The following MINDY4 variants were observed in gnomAD, a reference collection of about 807,000 sequenced individuals.
MINDY4 encodes the protein probable ubiquitin carboxyl-terminal hydrolase MINDY-4.
A neutral mutation model predicts 87.0 loss-of-function variants in MINDY4; 68 were observed. That is an observed-to-expected ratio of 0.78 (90% CI 0.64 to 0.96). MINDY4 has a LOEUF of 0.96. Ranked by LOEUF, MINDY4 falls within the 40% of genes least tolerant of loss-of-function variation. The pLI is 0.00. For missense variants in MINDY4, 919 were observed against 928.2 expected (o/e 0.99, Z 0.13); for synonymous variants, 379 against 363.2 (o/e 1.04, Z -0.50).
chr7:30,846,539 C>A (rs1789224288), intron 9 of MINDY4, among the ~76,000 whole-genome samples: 1 of 152,210 alleles, frequency 6.6e-6, no homozygotes, highest in African/African-American at 2.4e-5. Context: ...GAAATGCAGA[C>A]CTGTTTGTCA....
At chr7:30,827,442 C>T (rs990879615) in intron 5 of MINDY4, among the ~76,000 whole-genome samples, 1 of 152,138 alleles carries the variant, frequency 6.6e-6, no homozygotes, top group Non-Finnish European at 1.5e-5. Flanking sequence ...GGTGGGGGTG[C>T]TCTGACACAA....
At chr7:30,781,872 G>GTGAGAAGT in intron 2 of MINDY4, 105 bp from the exon 3 acceptor site, 1 of 738,014 alleles carries the variant, frequency 1.4e-6, no homozygotes, top group Non-Finnish European at 2.2e-6. Flanking sequence ...GTATGAATGA[G>GTGAGAAGT]TGAGAAGTTG....
At position 30,882,372 on chromosome 7, in the gene MINDY4, T is replaced by TCTGCCCCCCCCCCCCCCC; in HGVS notation, c.2152+12_2152+13insTGCCCCCCCCCCCCCCCC. 6.6e-7 allele frequency: 1 copy of TCTGCCCCCCCCCCCCCCC among 1,521,496 alleles called. No individual in the cohort carries two copies. The highest frequency in any genetic ancestry group is 1.2e-5 in the South Asian group (1 of 80,194). 94.2% of individuals were successfully genotyped at this position (1,521,496 alleles called of 1,614,324 possible). ...TCCGGCTGACCATTGGTGCGGGCCC[T>TCTGCCCCCCCCCCCCCCC]CACCCCCCCACCCACCCAACCCTGT... On this transcript the variant is annotated intron_variant, in intron 16 of 17. Coordinates refer to ENST00000265299, the MANE Select transcript of MINDY4 (RefSeq NM_032222.3).
chr7:30,891,943 C>T lies in MINDY4; in HGVS notation c.2226-14C>T. ...CTTGATCTCTCTTTGTCTCTCTCCT[C>T]ACTCTACGCTTAGGTGGAAGGGGGC... is the stretch of plus-strand genomic sequence containing the variant. On this transcript the variant is annotated splice_polypyrimidine_tract_variant and intron_variant, in intron 17 of 17. Coordinates refer to ENST00000265299, the MANE Select transcript of MINDY4 (RefSeq NM_032222.3). 1 of 1,614,002 alleles carries T rather than the reference C, an allele frequency of 6.2e-7. No homozygotes were observed. The highest frequency in any genetic ancestry group is 8.5e-7 in the Non-Finnish European group (1 of 1,179,862).
At chr7:30,875,731 G>A in intron 15 of MINDY4, 75 bp downstream of exon 15, 1 of 1,491,908 alleles carries the variant, frequency 6.7e-7, no homozygotes, top group African/African-American at 1.4e-5. Flanking sequence ...AGTGGGGAAG[G>A]AAAGCTGGAC....
Position 30,882,271 on chromosome 7 carries a change from C to A in MINDY4, c.2062C>A (p.Leu688Ile). The A allele has an allele frequency of 6.2e-7, 1 of 1,614,006 alleles. No individual in the cohort carries two copies. The highest frequency in any genetic ancestry group is 8.5e-7 in the Non-Finnish European group (1 of 1,179,888). ...CATCCTCTTTAGCCTGCAGCCGGGGCTCCTGCGTGACTGGAGGACTGAGAG... is the reference window on the plus strand; with the variant it reads ...CATCCTCTTTAGCCTGCAGCCGGGGATCCTGCGTGACTGGAGGACTGAGAG... Reference protein sequence around the residue: ...FSILFSLQPGLLRDWRTERLF... With the variant: ...FSILFSLQPGILRDWRTERLF... Residue 688 changes from leucine (L) to isoleucine (I), a missense_variant, in exon 16 of 18, where the codon CTC becomes ATC. Transcript: ENST00000265299.
chr7:30,863,365 G>A (rs1299520854), intron 13 of MINDY4, among the ~76,000 whole-genome samples: 3 of 152,224 alleles, frequency 2.0e-5, no homozygotes, highest in Admixed American at 2.0e-4. Context: ...GTGATAGTGT[G>A]TGTGCGGATG....
chr7:30,802,548 T>C (rs572621055), intron 5 of MINDY4, among the ~76,000 whole-genome samples: 1 of 152,258 alleles, frequency 6.6e-6, no homozygotes, highest in South Asian at 2.1e-4. Flanking sequence ...CATGTCTCTG[T>C]ACCTGGCAAT....
chr7:30,872,106 ACAGAGCGCT>A (rs1446079073), intron 13 of MINDY4, 128 bp from the exon 14 acceptor site: 43 of 787,100 alleles, frequency 5.5e-5, no homozygotes, highest in Middle Eastern at 4.9e-4. Context: ...AGGGCACAGA[ACAGAGCGCT>A]CAGGTTCCCA....
At chr7:30,801,029 A>C (rs982716171) in intron 5 of MINDY4, among the ~76,000 whole-genome samples, 1 of 152,190 alleles carries the variant, frequency 6.6e-6, no homozygotes, top group African/African-American at 2.4e-5. Context: ...AGACAAGTGC[A>C]TCCCAAACTC....
chr7:30,838,398 C>T (rs976051286), intron 7 of MINDY4, among the ~76,000 whole-genome samples: 3 of 152,056 alleles, frequency 2.0e-5, no homozygotes, highest in East Asian at 3.9e-4. Context: ...CACTCATGGG[C>T]GGCATCACAG....
At chr7:30,791,713 GT>G (rs1313622078) in intron 5 of MINDY4, 139 bp downstream of exon 5, 1 of 941,552 alleles carries the variant, frequency 1.1e-6, no homozygotes, top group Non-Finnish European at 1.5e-6. Flanking sequence ...AACCGGCAAG[GT>G]AGAGTTTGTT....
Position 30,836,777 on chromosome 7 carries a change from A to G in MINDY4, c.1239+13A>G. The G allele has an allele frequency of 6.2e-7, 1 of 1,601,236 alleles. No individual in the cohort carries two copies. The highest frequency in any genetic ancestry group is 8.6e-7 in the Non-Finnish European group (1 of 1,168,468). On this transcript the variant is annotated intron_variant, in intron 7 of 17. Transcript: ENST00000265299. ...CTCAGTAGCAAAGGTAAGTGTAAGG[A>G]GACTCCTGGGTTAAATGTGTCTTGA...
In MINDY4 at chr7:30,882,286, A is replaced by G; in HGVS notation, c.2077A>G (p.Arg693Gly). The stretch of plus-strand genomic sequence containing the variant: ...GCAGCCGGGGCTCCTGCGTGACTGG[A>G]GGACTGAGAGGCTCTTTGACTTGTA... Reference protein sequence around the residue: ...SLQPGLLRDWRTERLFDLYYY... With the variant: ...SLQPGLLRDWGTERLFDLYYY... The change falls in exon 16 of 18, where the codon AGG becomes GGG. Residue 693 changes from arginine to glycine, a missense_variant. Transcript: ENST00000265299. The G allele has an allele frequency of 6.2e-7, 1 of 1,613,902 alleles. No homozygotes were observed. The highest frequency in any genetic ancestry group is 8.5e-7 in the Non-Finnish European group (1 of 1,179,864).
At chr7:30,877,683 C>CTTCTTCTT (rs1554285649) in intron 15 of MINDY4, among the ~76,000 whole-genome samples, 1 of 112,706 alleles carries the variant, frequency 8.9e-6, no homozygotes, top group African/African-American at 3.4e-5. Flanking sequence ...TCTTCTTCTT[C>CTTCTTCTT]TTTTTTTTTT....
chr7:30,887,155 C>T (rs767320166), intron 17 of MINDY4, among the ~76,000 whole-genome samples: 2 of 152,202 alleles, frequency 1.3e-5, no homozygotes, highest in Non-Finnish European at 2.9e-5. Flanking sequence ...CCCTGCGGAA[C>T]CTCCCGTTCA....
In MINDY4 at chr7:30,871,137, TC is replaced by T. The variant is rs5883262; in HGVS notation, c.1746-1100del. Among the ~76,000 whole-genome samples, 5 of 151,066 alleles carry T rather than the reference TC, an allele frequency of 3.3e-5. No individual in the cohort carries two copies. In the East Asian group the frequency reaches 9.8e-4, roughly 30 times the overall value. On this transcript the variant is annotated intron_variant, in intron 13 of 17. Coordinates refer to ENST00000265299, the MANE Select transcript of MINDY4 (RefSeq NM_032222.3). Reference sequence around the variant, plus strand: ...CGTGTGTGCCCCCAGGGCTGTGTGTTCCCCCCAGGGTCATGTGCAGAAGTGG... The same window carrying T: ...CGTGTGTGCCCCCAGGGCTGTGTGTTCCCCCAGGGTCATGTGCAGAAGTGG...
intron 5 of MINDY4, among the ~76,000 whole-genome samples, chr7:30,811,023 C>T (rs1241643732): frequency 2.6e-5 from 4 of 151,974 alleles, no homozygotes; most frequent in African/African-American, 7.3e-5. Flanking sequence ...GGTACCACCC[C>T]TAGAATTTCC....
At chr7:30,811,596 G>A (rs549349338) in intron 5 of MINDY4, among the ~76,000 whole-genome samples, 2 of 152,246 alleles carry the variant, frequency 1.3e-5, no homozygotes, top group Admixed American at 1.3e-4. Context: ...AAACTAAAAG[G>A]CAGAAATGAA....
Sources: allele counts gnomAD v4.1 joint callset (sites outside exome capture counted in the v4.1 genomes callset), GRCh38; gene constraint gnomAD v4.1.1; transcripts MANE v1.5; gene names NCBI Gene and HGNC (gene_info 2026-07-23, HGNC 2026-07-21).